The following SESN3 variants were observed in gnomAD, a reference collection of about 807,000 sequenced individuals.
SESN3 encodes the protein sestrin 3, also known as sestrin-3.
SESN3 carries 21 observed loss-of-function variants against 55.3 expected under a neutral mutation model. That is an observed-to-expected ratio of 0.38 (90% CI 0.27 to 0.55). SESN3 has a LOEUF of 0.55. Among genes scored for constraint, SESN3 ranks in the 20% least tolerant of loss-of-function variants. The pLI, the probability that SESN3 is intolerant of heterozygous loss-of-function variation, is 0.76. For missense variants in SESN3, 408 were observed against 604.3 expected (o/e 0.68, Z 3.41); for synonymous variants, 181 against 203.1 (o/e 0.89, Z 0.93).
chr11:95,184,787 A>T (rs1860132344), intron 5 of SESN3, among the ~76,000 whole-genome samples, 193 bp from the exon 6 acceptor site: 1 of 151,838 alleles, frequency 6.6e-6, no homozygotes, highest in South Asian at 2.1e-4. Context: ...TTTTTTTTTT[A>T]GTTATAAATA....
chr11:95,201,548 A>G (rs968116666), intron 1 of SESN3, among the ~76,000 whole-genome samples: 2 of 152,074 alleles, frequency 1.3e-5, no homozygotes, highest in African/African-American at 2.4e-5. Flanking sequence ...ACAAGTTGTT[A>G]TATTTATACA....
rs753212698 is a variant in SESN3, at chr11:95,223,439, C to T, written c.78+7344G>A. ...TAATGGACATAATTTTTGGATTTGA[C>T]CTTTCTTCAGCTGTTGCACAGTACT... On this transcript the variant is annotated intron_variant, in intron 1 of 9. Transcript: ENST00000536441. Among the ~76,000 whole-genome samples the T allele has an allele frequency of 3.4e-4, 51 of 152,132 alleles. 1 individual carries two copies. Among genetic ancestry groups the T allele is most frequent in the Non-Finnish European group, 8.8e-5 (6 of 68,034 alleles).
At chr11:95,217,236 C>T (rs1351545235) in intron 1 of SESN3, among the ~76,000 whole-genome samples, 1 of 152,120 alleles carries the variant, frequency 6.6e-6, no homozygotes, top group African/African-American at 2.4e-5. Context: ...GAAAGGTCAC[C>T]CATATCAATG....
intron 6 of SESN3, among the ~76,000 whole-genome samples, chr11:95,179,554 C>A (rs1860023295): frequency 6.6e-6 from 1 of 152,024 alleles, no homozygotes; most frequent in South Asian, 2.1e-4. Flanking sequence ...GGTGTTTCAT[C>A]TGGATGTATT....
At chr11:95,199,609 AGCAAATTACTT>A (rs1397009288) in intron 1 of SESN3, among the ~76,000 whole-genome samples, 1 of 152,108 alleles carries the variant, frequency 6.6e-6, no homozygotes, top group African/African-American at 2.4e-5. Context: ...AGGAGTAATC[AGCAAATTACTT>A]GCCCCTAAAA....
intron 1 of SESN3, among the ~76,000 whole-genome samples, chr11:95,221,062 G>C (rs1565476164): frequency 6.6e-6 from 1 of 152,072 alleles, no homozygotes; most frequent in Admixed American, 6.5e-5. Context: ...TAGCACTTTG[G>C]GAGGCCAAGG....
intron 9 of SESN3, among the ~76,000 whole-genome samples, chr11:95,175,129 C>T (rs979503596): frequency 6.6e-6 from 1 of 152,092 alleles, no homozygotes; most frequent in African/African-American, 2.4e-5. Context: ...TTTGGGAAGC[C>T]GAGGTGGGCA....
intron 1 of SESN3, among the ~76,000 whole-genome samples, chr11:95,207,784 AAT>A (rs1295925974): frequency 2.0e-5 from 3 of 151,436 alleles, no homozygotes; most frequent in Non-Finnish European, 4.4e-5. Flanking sequence ...TGTAATTTTA[AAT>A]ATGTCTAAAA....
At chr11:95,231,381 G>C (rs905053629), upstream of SESN3, 10 of 375,000 alleles carry the variant, frequency 2.7e-5, no homozygotes, top group South Asian at 1.4e-4. Context: ...TTGAATCTCC[G>C]GGCAAGTTAA....
chr11:95,231,089 C>A lies in SESN3; in HGVS notation c.-229G>T. On this transcript the variant is annotated 5_prime_UTR_variant, in exon 1 of 10. An upstream open reading frame in the 5' UTR loses its in-frame stop. Coordinates refer to ENST00000536441, the MANE Select transcript of SESN3 (RefSeq NM_144665.4). ...GGCGGAGACGGCGGCGGCTGCTCCT[C>A]ACCGGCCCGTTGTTCCACCCGCCCC... 1 of 417,284 alleles carries A rather than the reference C, an allele frequency of 2.4e-6. No individual in the cohort carries two copies. Among genetic ancestry groups the A allele is most frequent in the South Asian group, 8.1e-5 (1 of 12,294 alleles). The allele number at this position is 417,284 out of a possible 1,614,324, so 25.8% of individuals were successfully genotyped here. A position where few individuals can be genotyped will look rare whatever the true frequency, so the allele number is the denominator to read the frequency against.
At chr11:95,228,717 C>A (rs928873693) in intron 1 of SESN3, among the ~76,000 whole-genome samples, 5 of 152,172 alleles carry the variant, frequency 3.3e-5, no homozygotes, top group Non-Finnish European at 7.4e-5. Flanking sequence ...TAAGTTATTT[C>A]ATGCCACTGC....
chr11:95,225,428 A>T (rs891824209), intron 1 of SESN3, among the ~76,000 whole-genome samples: 1 of 152,178 alleles, frequency 6.6e-6, no homozygotes, highest in South Asian at 2.1e-4. Context: ...AGTATGGCTA[A>T]CTTTCATGTT....
Position 95,173,085 on chromosome 11 carries a change from A to G in SESN3, c.*170T>C. 6.3e-6 allele frequency: 3 copies of G among 472,662 alleles called. No individual in the cohort carries two copies. The highest frequency in any genetic ancestry group is 1.2e-5 in the Non-Finnish European group (3 of 258,876). The allele number at this position is 472,662 out of a possible 1,614,324, so 29.3% of individuals were successfully genotyped here. On this transcript the variant is annotated 3_prime_UTR_variant, in exon 10 of 10. Transcript: ENST00000536441. ...GTAATGTTAAGCATCAAGGAAAATA[A>G]AACACATCATTGCACATTACAGCCG...
intron 1 of SESN3, among the ~76,000 whole-genome samples, chr11:95,222,541 A>T (rs1415941010): frequency 1.3e-5 from 2 of 152,222 alleles, no homozygotes; most frequent in Admixed American, 1.3e-4. Flanking sequence ...TGATATTTTT[A>T]AAATAAATGT....
chr11:95,202,085 T>A (rs183034117), intron 1 of SESN3, among the ~76,000 whole-genome samples: 1 of 152,172 alleles, frequency 6.6e-6, no homozygotes, highest in East Asian at 1.9e-4. Flanking sequence ...TAAATTTATA[T>A]TTCTTAAGGT....
At chr11:95,216,122 A>G (rs2134261189) in intron 1 of SESN3, among the ~76,000 whole-genome samples, 1 of 151,922 alleles carries the variant, frequency 6.6e-6, no homozygotes, top group South Asian at 2.1e-4. Flanking sequence ...AAAAAAAAAA[A>G]AAAGAAATCC....
intron 1 of SESN3, among the ~76,000 whole-genome samples, chr11:95,203,243 C>T (rs1273088166): frequency 6.6e-6 from 1 of 152,082 alleles, no homozygotes; most frequent in Non-Finnish European, 1.5e-5. Context: ...AAATACAAGT[C>T]ACTTACTCAG....
chr11:95,178,451 T>G (rs1447464916), intron 7 of SESN3, among the ~76,000 whole-genome samples: 1 of 152,198 alleles, frequency 6.6e-6, no homozygotes, highest in African/African-American at 2.4e-5. Flanking sequence ...AAAAATGGTA[T>G]AAACATTATG....
chr11:95,184,329 A>T (rs1485269214), intron 6 of SESN3, 91 bp downstream of exon 6: 16 of 1,015,916 alleles, frequency 1.6e-5, no homozygotes, highest in Non-Finnish European at 1.8e-5. Context: ...ATGGTAGCAG[A>T]ATCATTTTTA....
Sources: allele counts gnomAD v4.1 joint callset (sites outside exome capture counted in the v4.1 genomes callset), GRCh38; gene constraint gnomAD v4.1.1; transcripts MANE v1.5; gene names NCBI Gene and HGNC (gene_info 2026-07-23, HGNC 2026-07-21).